ZSWIM2: variants seen among roughly 807,000 people sequenced by gnomAD.
ZSWIM2 encodes the protein zinc finger SWIM-type containing 2, also known as E3 ubiquitin-protein ligase ZSWIM2.
In ZSWIM2, 38 loss-of-function variants were observed where a neutral mutation model predicts 48.4. The observed-to-expected ratio is 0.79, with a 90% confidence interval of 0.61 to 1.03. ZSWIM2 has a LOEUF of 1.03. Ranked by LOEUF, ZSWIM2 falls within the 50% of genes least tolerant of loss-of-function variation. The pLI, the probability that ZSWIM2 is intolerant of heterozygous loss-of-function variation, is 0.00. For missense variants in ZSWIM2, 776 were observed against 730.2 expected, an observed-to-expected ratio of 1.06 and a Z score of -0.72; for synonymous variants, 240 against 251.3, an observed-to-expected ratio of 0.96 and a Z score of 0.42.
intron 2 of ZSWIM2, 47 bp from the exon 3 acceptor site, chr2:186,844,804 T>A (rs1691967229): frequency 6.8e-7 from 1 of 1,469,762 alleles, no homozygotes; most frequent in African/African-American, 1.5e-5. Flanking sequence ...ATTTTTGGCA[T>A]AAACTCAAAA....
At chr2:186,829,561 T>TGA (rs1691661640) in intron 8 of ZSWIM2, among the ~76,000 whole-genome samples, 166 bp downstream of exon 8, 1 of 152,188 alleles carries the variant, frequency 6.6e-6, no homozygotes, top group East Asian at 1.9e-4. Flanking sequence ...GGGAGAAAGC[T>TGA]GCCTTCTCGA....
At chr2:186,847,872 T>C (rs1029774685) in intron 1 of ZSWIM2, 77 bp from the exon 2 acceptor site, 1 of 1,028,162 alleles carries the variant, frequency 9.7e-7, no homozygotes, top group African/African-American at 1.6e-5. Flanking sequence ...ATAAAAGAGA[T>C]TTGAAGAGGT....
At chr2:186,831,670 A>G in intron 7 of ZSWIM2, among the ~76,000 whole-genome samples, 1 of 152,044 alleles carries the variant, frequency 6.6e-6, no homozygotes, top group Admixed American at 6.6e-5. Context: ...TGTAGCACAT[A>G]TACACCATGG....
At position 186,849,118 on chromosome 2, in the gene ZSWIM2, C is replaced by T. The variant is rs1395697943; in HGVS notation, c.13G>A (p.Gly5Ser). The T allele has an allele frequency of 6.2e-7, 1 of 1,611,088 alleles. No homozygotes were observed. Among genetic ancestry groups the T allele is most frequent in the Admixed American group, 1.7e-5 (1 of 59,954 alleles). Residue 5 changes from glycine to serine, a missense_variant, in exon 1 of 9, where the codon GGC becomes AGC. Transcript: ENST00000295131. Reference protein sequence around the residue: MLRRGYKASERRRHL... With the variant: MLRRSYKASERRRHL... ...CTTCGCCTTTCAGAGGCCTTATAGC[C>T]TCGGCGAAGCATGCTGGGTGCGGGC... is the stretch of plus-strand genomic sequence containing the variant.
intron 2 of ZSWIM2, among the ~76,000 whole-genome samples, chr2:186,847,515 G>A (rs1692027431): frequency 6.6e-6 from 1 of 151,954 alleles, no homozygotes; most frequent in Non-Finnish European, 1.5e-5. Flanking sequence ...ATTATAAAAT[G>A]GTTCTCAATT....
chr2:186,848,906 G>C (rs1231739090), intron 1 of ZSWIM2, 60 bp downstream of exon 1: 9 of 1,604,160 alleles, frequency 5.6e-6, no homozygotes, highest in Non-Finnish European at 6.8e-6. Context: ...GGGTATGCCA[G>C]TGGGGGAACC....
chr2:186,839,066 A>C lies in ZSWIM2; in HGVS notation c.387T>G (p.His129Gln). 1 of 1,611,988 alleles carries C rather than the reference A, an allele frequency of 6.2e-7. No individual in the cohort carries two copies. The highest frequency in any genetic ancestry group is 8.5e-7 in the Non-Finnish European group (1 of 1,178,504). ...PQPGTNDENE[H>Q]VEEDGYIKQK... ...GTTTAATGTACCCATCTTCTTCAAC[A>C]TGTTCATTTTCGTCATTTGTTCCTG... The change falls in exon 4 of 9, where the codon CAT (histidine) becomes CAG (glutamine). Residue 129 changes from histidine (H) to glutamine (Q), a missense_variant. His to Gln is a conservative substitution (Grantham distance 24). Transcript: ENST00000295131.
chr2:186,827,773 T>C lies in ZSWIM2; in HGVS notation c.*211A>G, dbSNP rs1691622353. On this transcript the variant is annotated 3_prime_UTR_variant, in exon 9 of 9. Transcript: ENST00000295131. ...TAAAAATTATTCATTATTTATAACA[T>C]CCTGAATATATTCATGAAGACACCT... 1.8e-5 allele frequency: 6 copies of C among 339,698 alleles called. No homozygotes were observed. The allele number at this position is 339,698 out of a possible 1,614,324, so 21.0% of individuals were successfully genotyped here.
In ZSWIM2 at chr2:186,839,008, T is replaced by C. The variant is rs139345536; in HGVS notation, c.445A>G (p.Ile149Val). 19 of 1,611,016 alleles carry C rather than the reference T, an allele frequency of 1.2e-5. No individual in the cohort carries two copies. Among genetic ancestry groups the C allele is most frequent in the Non-Finnish European group, 1.4e-5 (16 of 1,178,002 alleles). ...TTCTCTAAAAGTAGCTCTTGACAAA[T>C]AGAGCAGATATCCTCTGAATCAATT... ...KEIDSEDICS[I>V]CQELLLEKKL... Residue 149 changes from isoleucine to valine, a missense_variant, in exon 4 of 9, where the codon ATT becomes GTT. By Grantham distance (29) the Ile-to-Val change is conservative. Transcript: ENST00000295131.
intron 3 of ZSWIM2, among the ~76,000 whole-genome samples, chr2:186,842,943 TCA>T (rs1159736998): frequency 6.6e-6 from 1 of 151,518 alleles, no homozygotes; most frequent in Non-Finnish European, 1.5e-5. Flanking sequence ...AAATATAGTG[TCA>T]GAGTTGAGAT....
chr2:186,831,954 A>G (rs568779004), intron 7 of ZSWIM2, among the ~76,000 whole-genome samples: 128 of 152,188 alleles, frequency 8.4e-4, no homozygotes, highest in African/African-American at 2.9e-3. Context: ...CAGCACACCA[A>G]CATGGCACAT....
intron 7 of ZSWIM2, among the ~76,000 whole-genome samples, chr2:186,832,453 A>C (rs1480333251): frequency 6.6e-6 from 1 of 152,040 alleles, no homozygotes; most frequent in Non-Finnish European, 1.5e-5. Context: ...GGACTATTGC[A>C]AAAGGTCTGG....
At chr2:186,839,996 A>C (rs1691875248) in intron 3 of ZSWIM2, among the ~76,000 whole-genome samples, 1 of 149,980 alleles carries the variant, frequency 6.7e-6, no homozygotes, top group Non-Finnish European at 1.5e-5. Context: ...AATATATATG[A>C]ATTAAAAATT....
chr2:186,829,821 T>C lies in ZSWIM2; in HGVS notation c.1001A>G (p.Asn334Ser), dbSNP rs1245886966. 6.2e-7 allele frequency: 1 copy of C among 1,613,734 alleles called. No individual in the cohort carries two copies. Among genetic ancestry groups the C allele is most frequent in the East Asian group, 2.2e-5 (1 of 44,844 alleles). The change falls in exon 8 of 9, where the codon AAT becomes AGT. Residue 334 changes from asparagine to serine, a missense_variant. Asn to Ser is a conservative substitution (Grantham distance 46). Transcript: ENST00000295131. ...RSLPLQLITK[N>S]SKLLAPGYQC... The stretch of plus-strand genomic sequence containing the variant: ...GTAGCCTGGAGCAAGCAGCTTACTA[T>C]TCTTAGTAATCAGTTGGAGAGGCAG...
chr2:186,845,939 A>G lies in ZSWIM2; in HGVS notation c.243-1182T>C, dbSNP rs913144645. 6.6e-5 allele frequency among the ~76,000 whole-genome samples: 10 copies of G among 151,872 alleles called. No individual in the cohort carries two copies. In the South Asian group the frequency reaches 1.9e-3, roughly 28 times the overall value. On this transcript the variant is annotated intron_variant, in intron 2 of 8. Coordinates refer to ENST00000295131, the MANE Select transcript of ZSWIM2 (RefSeq NM_182521.3). ...TGGGAAAATTGCAGCCATATGCAGA[A>G]GAATAAAAGTGGACTCATAACTTTC...
At chr2:186,845,123 T>C (rs1691973205) in intron 2 of ZSWIM2, among the ~76,000 whole-genome samples, 1 of 151,470 alleles carries the variant, frequency 6.6e-6, no homozygotes, top group South Asian at 2.1e-4. Flanking sequence ...TTCTGGATAG[T>C]GTACCAAATG....
At chr2:186,836,757 C>G (rs1691799781) in intron 5 of ZSWIM2, among the ~76,000 whole-genome samples, 1 of 152,080 alleles carries the variant, frequency 6.6e-6, no homozygotes, top group Non-Finnish European at 1.5e-5. Flanking sequence ...GGGTTACTCA[C>G]AGTGAAAATT....
At chr2:186,846,034 T>G (rs1691993341) in intron 2 of ZSWIM2, among the ~76,000 whole-genome samples, 1 of 151,652 alleles carries the variant, frequency 6.6e-6, no homozygotes, top group Non-Finnish European at 1.5e-5. Context: ...CAAAAACTCT[T>G]GAAGAAAAAC....
At chr2:186,842,303 G>T (rs951638899) in intron 3 of ZSWIM2, among the ~76,000 whole-genome samples, 3 of 150,790 alleles carry the variant, frequency 2.0e-5, no homozygotes, top group Non-Finnish European at 4.5e-5. Flanking sequence ...ATTTAAGATC[G>T]CTAAGACTTT....
Sources: gnomAD v4.1 joint callset for allele counts (sites outside exome capture counted in the v4.1 genomes callset) on GRCh38, gnomAD v4.1.1 for gene constraint, MANE v1.5 for transcripts, NCBI Gene and HGNC (gene_info 2026-07-23, HGNC 2026-07-21) for gene names.